Variants in RYR3 observed in about 807,000 individuals in gnomAD.
The protein encoded by RYR3 is brain ryanodine receptor-calcium release channel.
In RYR3, 207 loss-of-function variants were observed where a neutral mutation model predicts 584.3. That is an observed-to-expected ratio of 0.35 (90% CI 0.32 to 0.40). RYR3 has a LOEUF of 0.40. Among genes scored for constraint, RYR3 ranks in the 10% least tolerant of loss-of-function variants. The pLI, the probability that RYR3 is intolerant of heterozygous loss-of-function variation, is 1.00. For missense variants in RYR3, 5,616 were observed against 6,089.2 expected, an observed-to-expected ratio of 0.92 and a Z score of 2.59; for synonymous variants, 2,416 against 2,248.5, an observed-to-expected ratio of 1.07 and a Z score of -2.11.
In RYR3 at chr15:33,337,924, AT is replaced by A. The variant is rs1347305387; in HGVS notation, c.51+26832del. ...GAAAATGATGAGACAAGTCTCAATC[AT>A]TTTAGGAGATTTTTTTTTTTTTTTT... On this transcript the variant is annotated intron_variant, in intron 1 of 103. Transcript: ENST00000634891. Among the ~76,000 whole-genome samples, 4 of 137,410 alleles carry A rather than the reference AT, an allele frequency of 2.9e-5. No homozygotes were observed. In the Admixed American group the frequency reaches 3.1e-4, roughly 10 times the overall value. 90.1% of individuals were successfully genotyped at this position (137,410 alleles called of 152,430 possible). A position where few individuals can be genotyped will look rare whatever the true frequency, so the allele number is the denominator to read the frequency against.
At chr15:33,318,827 G>A (rs760991824) in intron 1 of RYR3, among the ~76,000 whole-genome samples, 2 of 152,136 alleles carry the variant, frequency 1.3e-5, no homozygotes, top group African/African-American at 4.8e-5. Context: ...ACATCAAAAC[G>A]AGAACTAAGG....
chr15:33,800,232 A>G (rs977142206), intron 67 of RYR3, among the ~76,000 whole-genome samples: 2 of 152,220 alleles, frequency 1.3e-5, no homozygotes, highest in African/African-American at 4.8e-5. Flanking sequence ...AGCGAAAAAC[A>G]TATTATCTTA....
intron 38 of RYR3, among the ~76,000 whole-genome samples, chr15:33,683,040 G>T (rs1442986833): frequency 6.6e-6 from 1 of 151,702 alleles, no homozygotes; most frequent in Non-Finnish European, 1.5e-5. Context: ...TGTTGCCCAG[G>T]CTGGAGTGCA....
At chr15:33,808,659 C>T (rs1238446630) in intron 70 of RYR3, among the ~76,000 whole-genome samples, 1 of 152,162 alleles carries the variant, frequency 6.6e-6, no homozygotes, top group Admixed American at 6.5e-5. Flanking sequence ...CCCTGAGTCG[C>T]AACCTTTAGA....
At chr15:33,766,288 G>GAAAA (rs66478931) in intron 60 of RYR3, among the ~76,000 whole-genome samples, 89 of 134,070 alleles carry the variant, frequency 6.6e-4, no homozygotes, top group Middle Eastern at 3.8e-3. Context: ...ACCTCAAAAA[G>GAAAA]AAAAAAAAAA....
chr15:33,739,737 T>G, intron 50 of RYR3, 95 bp from the exon 51 acceptor site: 1 of 1,023,308 alleles, frequency 9.8e-7, no homozygotes. Flanking sequence ...TAAATGCGCG[T>G]ATTTTATTTC....
intron 1 of RYR3, among the ~76,000 whole-genome samples, chr15:33,363,660 G>A (rs531818842): frequency 2.0e-5 from 3 of 152,110 alleles, no homozygotes; most frequent in Non-Finnish European, 4.4e-5. Context: ...TTGTCAATTT[G>A]CAGGTTGCCA....
chr15:33,420,402 A>T (rs1286697026), intron 1 of RYR3, among the ~76,000 whole-genome samples: 2 of 152,178 alleles, frequency 1.3e-5, no homozygotes, highest in Non-Finnish European at 2.9e-5. Context: ...TTTGTTTGTG[A>T]TGTTACTTGT....
intron 1 of RYR3, among the ~76,000 whole-genome samples, chr15:33,355,283 T>G (rs1973819033): frequency 6.6e-6 from 1 of 152,174 alleles, no homozygotes; most frequent in Non-Finnish European, 1.5e-5. Flanking sequence ...AATTATGAAT[T>G]CACTATTTAA....
At chr15:33,662,051 C>T in intron 34 of RYR3, 102 bp from the exon 35 acceptor site, 1 of 971,720 alleles carries the variant, frequency 1.0e-6, no homozygotes, top group Non-Finnish European at 1.5e-6. Context: ...AGAGACCCCT[C>T]CAACCTTCCA....
intron 1 of RYR3, among the ~76,000 whole-genome samples, chr15:33,470,835 G>A (rs535641629): frequency 2.6e-5 from 4 of 152,304 alleles, no homozygotes; most frequent in African/African-American, 9.6e-5. Flanking sequence ...TGCAGCCTTC[G>A]AGTAAGGGTG....
Position 33,826,685 on chromosome 15 carries a change from C to A in RYR3, c.11178C>A (p.Leu3726=). The change falls in exon 84 of 104, where the codon CTC becomes CTA. Residue 3726 remains leucine, a synonymous_variant. Coordinates refer to ENST00000634891, the MANE Select transcript of RYR3 (RefSeq NM_001036.6). ...TGTGTTTTCAAGGTGAAAAAGTACT[C>A]CAGAATGACGAGTTCACGCGTGATC... ...LIVRERGEKV[L]QNDEFTRDLF... 1 of 1,613,918 alleles carries A rather than the reference C, an allele frequency of 6.2e-7. No homozygotes were observed. The highest frequency in any genetic ancestry group is 8.5e-7 in the Non-Finnish European group (1 of 1,179,822).
rs140088046 is a variant in RYR3, at chr15:33,755,338, C to T, written c.8515+158C>T. Among the ~76,000 whole-genome samples the T allele has an allele frequency of 3.0e-3, 456 of 152,056 alleles. 5 individuals carry two copies. Among genetic ancestry groups the T allele is most frequent in the African/African-American group, 0.01 (423 of 41,462 alleles). ...TCCCCCAACTTAAAAAAAATCAATC[C>T]GGCCGGGCGCTGTGGCTCACACCTG... is the stretch of plus-strand genomic sequence containing the variant. On this transcript the variant is annotated intron_variant, in intron 58 of 103. Transcript: ENST00000634891.
chr15:33,804,536 G>C (rs16958064), intron 69 of RYR3, among the ~76,000 whole-genome samples: 1,708 of 152,320 alleles, frequency 0.011, 31 homozygotes, highest in African/African-American at 0.039. Flanking sequence ...GCTCTACTAA[G>C]ATGTTCTGGT....
At chr15:33,803,091 T>G (rs1390641651) in intron 69 of RYR3, among the ~76,000 whole-genome samples, 1 of 152,264 alleles carries the variant, frequency 6.6e-6, no homozygotes, top group Non-Finnish European at 1.5e-5. Context: ...GCTGCGATCA[T>G]TCTGAGCTTT....
chr15:33,323,350 C>T (rs28593352), intron 1 of RYR3, among the ~76,000 whole-genome samples: 47,848 of 151,834 alleles, frequency 0.32, 7,926 homozygotes, highest in Middle Eastern at 0.49. Flanking sequence ...CCTCATGATC[C>T]GCCTGCCCCG....
chr15:33,398,319 C>G (rs2042421597), intron 1 of RYR3, among the ~76,000 whole-genome samples: 1 of 152,286 alleles, frequency 6.6e-6, no homozygotes, highest in Middle Eastern at 3.4e-3. Flanking sequence ...GTATCAGGCG[C>G]ACCATTCTTA....
intron 38 of RYR3, among the ~76,000 whole-genome samples, chr15:33,693,351 C>T (rs974497719): frequency 1.3e-5 from 2 of 152,230 alleles, no homozygotes; most frequent in Non-Finnish European, 2.9e-5. Flanking sequence ...CTTTGCGCTG[C>T]TCAGTGTGCA....
At chr15:33,616,542 GAGA>G (rs1339039439) in intron 19 of RYR3, among the ~76,000 whole-genome samples, 7 of 152,330 alleles carry the variant, frequency 4.6e-5, no homozygotes, top group Admixed American at 1.3e-4. Flanking sequence ...AAAGTTGCAA[GAGA>G]AGAAGAATGA....
Sources: allele counts gnomAD v4.1 joint callset (sites outside exome capture counted in the v4.1 genomes callset), GRCh38; gene constraint gnomAD v4.1.1; transcripts MANE v1.5; gene names NCBI Gene and HGNC (gene_info 2026-07-23, HGNC 2026-07-21).